USP34: variants seen among roughly 807,000 people sequenced by gnomAD.
The protein encoded by USP34 is ubiquitin carboxyl-terminal hydrolase 34.
In USP34, 70 loss-of-function variants were observed where a neutral mutation model predicts 460.3. That is an observed-to-expected ratio of 0.15 (90% CI 0.13 to 0.19). USP34 has a LOEUF of 0.19. USP34 is among the 10% of genes least tolerant of loss of function. The pLI is 1.00. For missense variants in USP34, 3,985 were observed against 4,236.2 expected, an observed-to-expected ratio of 0.94 and a Z score of 1.65; for synonymous variants, 1,647 against 1,405.3, an observed-to-expected ratio of 1.17 and a Z score of -3.85.
At chr2:61,396,889 A>G (rs1160560619) in intron 3 of USP34, among the ~76,000 whole-genome samples, 4 of 152,196 alleles carry the variant, frequency 2.6e-5, no homozygotes, top group African/African-American at 7.2e-5. Flanking sequence ...ACAACTCTGT[A>G]AATCTACTGA....
At position 61,378,293 on chromosome 2, in the gene USP34, T is replaced by C. The variant is rs1039690084; in HGVS notation, c.1076+70A>G. On this transcript the variant is annotated intron_variant, in intron 8 of 79. Transcript: ENST00000398571. ...TAGTAAAAATTTTAAATCTAAAAAT[T>C]AGAATTTACCATATAAACAACTGTA... The C allele has an allele frequency of 1.4e-5, 17 of 1,180,260 alleles. No individual in the cohort carries two copies. The East Asian group carries it at 2.9e-4, about 20-fold the overall frequency. 73.1% of individuals were successfully genotyped at this position (1,180,260 alleles called of 1,614,324 possible).
At chr2:61,443,082 AG>A (rs1334814430) in intron 1 of USP34, among the ~76,000 whole-genome samples, 11 of 152,310 alleles carry the variant, frequency 7.2e-5, no homozygotes, top group Non-Finnish European at 7.4e-5. Context: ...AGCTAAAAAA[AG>A]GTTCATCTCA....
intron 69 of USP34, among the ~76,000 whole-genome samples, 175 bp downstream of exon 69, chr2:61,211,597 C>T (rs905979152): frequency 6.6e-6 from 1 of 152,116 alleles, no homozygotes; most frequent in African/African-American, 2.4e-5. Flanking sequence ...TACACAAATA[C>T]AAACCAAAGC....
At chr2:61,349,351 T>G (rs1435930259) in intron 12 of USP34, 66 bp from the exon 13 acceptor site, 1 of 1,515,576 alleles carries the variant, frequency 6.6e-7, no homozygotes, top group Non-Finnish European at 9.1e-7. Context: ...AGACAGCGTA[T>G]CAGTTGTTCA....
chr2:61,212,579 C>A (rs1198066478), intron 68 of USP34, among the ~76,000 whole-genome samples: 1 of 152,212 alleles, frequency 6.6e-6, no homozygotes, highest in Admixed American at 6.5e-5. Flanking sequence ...AGTAAAATCA[C>A]TAGCTGTGAT....
chr2:61,196,185 A>G lies in USP34; in HGVS notation c.9509-3205T>C, dbSNP rs538915233. ...AGCCTCCACCTCCCGGGTTCATGCCATTCTCCTGCCCCAGCATCCCAAGTA... is the reference window on the plus strand; with the variant it reads ...AGCCTCCACCTCCCGGGTTCATGCCGTTCTCCTGCCCCAGCATCCCAAGTA... On this transcript the variant is annotated intron_variant, in intron 75 of 79. Coordinates refer to ENST00000398571, the MANE Select transcript of USP34 (RefSeq NM_014709.4). Among the ~76,000 whole-genome samples, 18 of 139,036 alleles carry G rather than the reference A, an allele frequency of 1.3e-4. No individual in the cohort carries two copies. The East Asian group carries it at 3.3e-3, about 25-fold the overall frequency. The allele number at this position is 139,036 out of a possible 152,430, so 91.2% of individuals were successfully genotyped here. A position where few individuals can be genotyped will look rare whatever the true frequency, so the allele number is the denominator to read the frequency against.
chr2:61,446,795 CAAAAAA>C (rs202114862), intron 1 of USP34, among the ~76,000 whole-genome samples: 1 of 139,510 alleles, frequency 7.2e-6, no homozygotes. Context: ...GACTCCACAT[CAAAAAA>C]AAAAAAAAAA....
intron 10 of USP34, among the ~76,000 whole-genome samples, chr2:61,361,081 T>G (rs181149488): frequency 1.1e-3 from 163 of 151,036 alleles, no homozygotes; most frequent in African/African-American, 3.9e-3. Flanking sequence ...GTATCACACT[T>G]TTTAATTCCA....
chr2:61,311,787 G>A lies in USP34; in HGVS notation c.3666C>T (p.Asp1222=), dbSNP rs1256957284. The stretch of plus-strand genomic sequence containing the variant: ...GAAATTAAAACTATGTAAGTACCTT[G>A]TCAGGAAGTCCAGCTGGCTGGCATA... ...RVVCQPAGLP[D]KMTIEMYPSD... Residue 1222 remains aspartate (D), a synonymous_variant, in exon 26 of 80, where the codon GAC becomes GAT. Transcript: ENST00000398571. 1.2e-6 allele frequency: 2 copies of A among 1,613,464 alleles called. No individual in the cohort carries two copies. The highest frequency in any genetic ancestry group is 1.7e-6 in the Non-Finnish European group (2 of 1,179,852).
At chr2:61,198,446 T>C (rs1035343523) in intron 75 of USP34, among the ~76,000 whole-genome samples, 3 of 152,208 alleles carry the variant, frequency 2.0e-5, no homozygotes, top group African/African-American at 7.2e-5. Context: ...CCTCTGTATA[T>C]TGGGAGGCCA....
intron 5 of USP34, among the ~76,000 whole-genome samples, 187 bp downstream of exon 5, chr2:61,394,664 CTT>C (rs1693462503): frequency 6.6e-6 from 1 of 151,580 alleles, no homozygotes; most frequent in East Asian, 1.9e-4. Flanking sequence ...AAACAGGTAA[CTT>C]AATTTTATTC....
At chr2:61,255,070 G>A (rs1187689598) in intron 48 of USP34, among the ~76,000 whole-genome samples, 3 of 152,160 alleles carry the variant, frequency 2.0e-5, no homozygotes. Context: ...CTGGGCTCAA[G>A]TGCACATCCT....
At chr2:61,223,514 C>A in intron 62 of USP34, 12 of 502,962 alleles carry the variant, frequency 2.4e-5, no homozygotes, top group East Asian at 7.0e-5. Context: ...ACTTCATTTT[C>A]ATTTAATTAA....
intron 1 of USP34, among the ~76,000 whole-genome samples, chr2:61,434,705 TGATCTAA>T (rs1195432546): frequency 6.6e-6 from 1 of 150,994 alleles, no homozygotes; most frequent in African/African-American, 2.4e-5. Context: ...CACACTCCAC[TGATCTAA>T]GATCCACTTA....
chr2:61,228,799 CA>C (rs1687803152), intron 60 of USP34, 27 bp downstream of exon 60: 2 of 1,583,696 alleles, frequency 1.3e-6, no homozygotes, highest in East Asian at 2.2e-5. Context: ...GGTAGATAAT[CA>C]AAAAAATAGA....
At chr2:61,470,439 G>A (rs1439204327) in intron 1 of USP34, among the ~76,000 whole-genome samples, 3 of 150,344 alleles carry the variant, frequency 2.0e-5, no homozygotes, top group African/African-American at 7.3e-5. Flanking sequence ...GCTCCGCGGC[G>A]GCCGCCTCTC....
chr2:61,392,007 G>T (rs1243257832), intron 5 of USP34, among the ~76,000 whole-genome samples: 1 of 152,114 alleles, frequency 6.6e-6, no homozygotes, highest in Non-Finnish European at 1.5e-5. Context: ...GGCCTCAGTT[G>T]AGTTGCAAGA....
At position 61,214,463 on chromosome 2, in the gene USP34, G is replaced by T. The variant is rs961840186; in HGVS notation, c.8279C>A (p.Thr2760Asn). 6.2e-7 allele frequency: 1 copy of T among 1,614,160 alleles called. No homozygotes were observed. ...CTCAGTTTTGGAAATTAAACAGTAA[G>T]TCATAAAGCTAAAATAGGGCACTAG... ...TKLVPYFSFM[T>N]YCLISKTEKL... is the part of the protein sequence containing the mutation. Residue 2760 changes from threonine to asparagine, a missense_variant, in exon 68 of 80, where the codon ACT becomes AAT. Thr to Asn is a moderately conservative substitution (Grantham distance 65). This residue lies in a region of USP34 where 604 missense variants were observed against 684.8 expected (regional missense o/e 0.88). Coordinates refer to ENST00000398571, the MANE Select transcript of USP34 (RefSeq NM_014709.4).
At chr2:61,213,493 T>TA (rs1243112100) in intron 68 of USP34, among the ~76,000 whole-genome samples, 1 of 152,216 alleles carries the variant, frequency 6.6e-6, no homozygotes, top group Non-Finnish European at 1.5e-5. Context: ...TTGACAGCTT[T>TA]ACATCGAGGG....
Sources: allele counts gnomAD v4.1 joint callset (sites outside exome capture counted in the v4.1 genomes callset), GRCh38; gene constraint gnomAD v4.1.1; regional missense constraint gnomAD v4.1.1; transcripts MANE v1.5; gene names NCBI Gene and HGNC (gene_info 2026-07-23, HGNC 2026-07-21).